Variants in PRORP observed in about 807,000 individuals in gnomAD.
The protein encoded by PRORP is mitochondrial ribonuclease P catalytic subunit.
PRORP carries 51 observed loss-of-function variants against 59.4 expected under a neutral mutation model. The ratio of observed to expected loss-of-function variants is 0.86; its 90% CI spans 0.69 to 1.08. The LOEUF (loss-of-function observed/expected upper bound fraction) is 1.08. Ranked by LOEUF, PRORP falls within the 50% of genes least tolerant of loss-of-function variation. The pLI, the probability that PRORP is intolerant of heterozygous loss-of-function variation, is 0.00. For synonymous variants in PRORP, 231 were observed against 245.6 expected, an observed-to-expected ratio of 0.94 and a Z score of 0.55; for missense variants, 646 against 690.3, an observed-to-expected ratio of 0.94 and a Z score of 0.72.
intron 4 of PRORP, among the ~76,000 whole-genome samples, chr14:35,151,639 TACACACAC>T (rs55940352): frequency 0.014 from 1,954 of 141,772 alleles, 21 homozygotes; most frequent in African/African-American, 0.033. Context: ...CACACACACA[TACACACAC>T]ACACACACAC....
chr14:35,223,611 C>T (rs1478113573), intron 5 of PRORP, among the ~76,000 whole-genome samples: 1 of 152,116 alleles, frequency 6.6e-6, no homozygotes, highest in African/African-American at 2.4e-5. Context: ...AGGTGCGCGC[C>T]ACTGCGCCCA....
At chr14:35,133,202 A>T (rs919750391) in intron 4 of PRORP, among the ~76,000 whole-genome samples, 1 of 152,152 alleles carries the variant, frequency 6.6e-6, no homozygotes, top group African/African-American at 2.4e-5. Flanking sequence ...TACGGGCGTG[A>T]GCTACCATGC....
At chr14:35,232,920 G>A (rs943589489) in intron 5 of PRORP, among the ~76,000 whole-genome samples, 3 of 152,032 alleles carry the variant, frequency 2.0e-5, no homozygotes, top group Admixed American at 6.6e-5. Flanking sequence ...TGATCTGCCC[G>A]CCTCAGCCTA....
intron 5 of PRORP, among the ~76,000 whole-genome samples, chr14:35,229,360 T>A (rs1269522303): frequency 6.6e-6 from 1 of 152,226 alleles, no homozygotes; most frequent in African/African-American, 2.4e-5. Context: ...AGTCATAAAT[T>A]CTTTCTGAAG....
intron 5 of PRORP, among the ~76,000 whole-genome samples, chr14:35,260,134 C>G (rs1348863430): frequency 6.6e-6 from 1 of 151,356 alleles, no homozygotes; most frequent in Non-Finnish European, 1.5e-5. Context: ...ACTTCAGCCT[C>G]CAGAGTAGCT....
chr14:35,186,786 T>C (rs1380760051), intron 5 of PRORP, among the ~76,000 whole-genome samples: 5 of 151,984 alleles, frequency 3.3e-5, no homozygotes, highest in African/African-American at 9.7e-5. Context: ...TTATTTTTCA[T>C]AGAAACAGGG....
chr14:35,183,817 C>G (rs895778205), intron 5 of PRORP, among the ~76,000 whole-genome samples: 1 of 152,068 alleles, frequency 6.6e-6, no homozygotes, highest in Non-Finnish European at 1.5e-5. Flanking sequence ...ATGGTTTCTT[C>G]CCCATTTTTT....
chr14:35,155,392 ATGTT>A (rs1288674998), intron 4 of PRORP, among the ~76,000 whole-genome samples: 1 of 151,888 alleles, frequency 6.6e-6, no homozygotes, highest in Non-Finnish European at 1.5e-5. Context: ...ACTTTTATAT[ATGTT>A]TAAGATTTTC....
intron 3 of PRORP, 41 bp from the exon 4 acceptor site, chr14:35,127,438 C>A (rs766098056): frequency 5.7e-6 from 8 of 1,409,470 alleles, no homozygotes; most frequent in South Asian, 1.6e-5. Context: ...GAACATTATT[C>A]GACATATTTA....
In PRORP at chr14:35,139,973, T is replaced by C. The variant is rs1323282945; in HGVS notation, c.1167+12362T>C. On this transcript the variant is annotated intron_variant, in intron 4 of 7. Transcript: ENST00000534898. ...TCTGCGTCTGTCTTCATGTGGCCTT[T>C]GTGTGTGTGTATCTCTGTGTGCCAT... is the stretch of plus-strand genomic sequence containing the variant. 2.7e-5 allele frequency among the ~76,000 whole-genome samples: 4 copies of C among 145,558 alleles called. 1 individual carries two copies. Among genetic ancestry groups the C allele is most frequent in the Non-Finnish European group, 4.6e-5 (3 of 65,478 alleles).
chr14:35,242,526 A>C (rs566740441), intron 5 of PRORP, among the ~76,000 whole-genome samples: 3 of 152,198 alleles, frequency 2.0e-5, no homozygotes, highest in Non-Finnish European at 4.4e-5. Context: ...CCCTAGTTCT[A>C]TTCCCCAGAA....
chr14:35,245,431 C>G (rs554703444), intron 5 of PRORP, among the ~76,000 whole-genome samples: 3 of 152,160 alleles, frequency 2.0e-5, no homozygotes, highest in African/African-American at 7.2e-5. Context: ...TTGCTTGAGT[C>G]CAGGAGTTCA....
At chr14:35,135,400 T>C (rs2047347826) in intron 4 of PRORP, among the ~76,000 whole-genome samples, 1 of 152,216 alleles carries the variant, frequency 6.6e-6, no homozygotes, top group African/African-American at 2.4e-5. Flanking sequence ...TATGGTACTT[T>C]TGTCCTGCAG....
At chr14:35,127,372 T>A (rs757901182) in intron 3 of PRORP, 107 bp from the exon 4 acceptor site, 48 of 783,250 alleles carry the variant, frequency 6.1e-5, no homozygotes, top group Non-Finnish European at 8.6e-5. Context: ...GTTTTAATGT[T>A]CTTTTTTATT....
At chr14:35,146,874 T>C (rs1028202392) in intron 4 of PRORP, among the ~76,000 whole-genome samples, 1 of 152,174 alleles carries the variant, frequency 6.6e-6, no homozygotes, top group African/African-American at 2.4e-5. Context: ...GGAACATTGC[T>C]TGAGGCCAGG....
chr14:35,160,145 A>G (rs1046661844), intron 4 of PRORP, among the ~76,000 whole-genome samples: 3 of 152,224 alleles, frequency 2.0e-5, no homozygotes, highest in African/African-American at 7.2e-5. Flanking sequence ...TAAGTTAGAC[A>G]GCGGAGGGAA....
At chr14:35,122,752 TAG>T (rs2046961432) in intron 1 of PRORP, 117 bp downstream of exon 1, 1 of 163,608 alleles carries the variant, frequency 6.1e-6, no homozygotes, top group African/African-American at 2.4e-5. Context: ...TTGCGGTCTG[TAG>T]AGAGCTATGC....
chr14:35,226,846 C>T (rs1175797199), intron 5 of PRORP, among the ~76,000 whole-genome samples: 2 of 151,982 alleles, frequency 1.3e-5, no homozygotes, highest in African/African-American at 4.8e-5. Context: ...GTGATCCTCC[C>T]ACTTCAGCCT....
chr14:35,209,717 G>T (rs1052766798), intron 5 of PRORP, among the ~76,000 whole-genome samples: 2 of 151,986 alleles, frequency 1.3e-5, no homozygotes, highest in East Asian at 3.9e-4. Flanking sequence ...TGCATTTTTG[G>T]TAGAGATGGA....
Sources: allele counts gnomAD v4.1 joint callset (sites outside exome capture counted in the v4.1 genomes callset), GRCh38; gene constraint gnomAD v4.1.1; transcripts MANE v1.5; gene names NCBI Gene and HGNC (gene_info 2026-07-23, HGNC 2026-07-21).